The following MYO7B variants were observed in gnomAD, a reference collection of about 807,000 sequenced individuals.
MYO7B encodes the protein unconventional myosin-VIIb.
Under a neutral mutation model 259.7 loss-of-function variants are expected in MYO7B, and 212 were observed. The observed-to-expected ratio is 0.82, with a 90% CI of 0.73 to 0.91. The LOEUF (loss-of-function observed/expected upper bound fraction) is 0.91. Among genes scored for constraint, MYO7B ranks in the 40% least tolerant of loss-of-function variants. The pLI, the probability that MYO7B is intolerant of heterozygous loss-of-function variation, is 0.00. For missense variants in MYO7B, 2,732 were observed against 2,813.5 expected (o/e 0.97, Z 0.66); for synonymous variants, 1,197 against 1,166.4 (o/e 1.03, Z -0.54).
rs112257559 is a variant in MYO7B at position 127,635,232 on chromosome 2, G to C, written c.5820+6G>C. On this transcript the variant is annotated splice_donor_region_variant and intron_variant, in intron 43 of 47. Transcript: ENST00000409816. ...CCATACTCCATTACCACCAGGTACCGGGCAGGCTGCCCTGGTGGGCACTGG... is the reference window on the plus strand; with the variant it reads ...CCATACTCCATTACCACCAGGTACCCGGCAGGCTGCCCTGGTGGGCACTGG... 8.7e-6 allele frequency: 14 copies of C among 1,610,314 alleles called. No individual in the cohort carries two copies. In the African/African-American group the frequency reaches 1.6e-4, roughly 18 times the overall value.
intron 19 of MYO7B, among the ~76,000 whole-genome samples, chr2:127,601,103 T>A (rs1219836047): frequency 6.6e-6 from 1 of 152,254 alleles, no homozygotes; most frequent in Non-Finnish European, 1.5e-5. Flanking sequence ...GTATGTTGTT[T>A]GGTTTTCAAG....
chr2:127,632,564 G>C (rs896569563), intron 39 of MYO7B, among the ~76,000 whole-genome samples, 163 bp downstream of exon 39: 1 of 152,228 alleles, frequency 6.6e-6, no homozygotes, highest in African/African-American at 2.4e-5. Flanking sequence ...CCAGAGAAGA[G>C]GGTGGAGGGT....
At chr2:127,542,167 C>T (rs916577825) in intron 1 of MYO7B, among the ~76,000 whole-genome samples, 44 of 152,228 alleles carry the variant, frequency 2.9e-4, no homozygotes, top group Non-Finnish European at 1.2e-4. Context: ...GGAAGGGTAT[C>T]TCTTGGACAT....
chr2:127,573,170 G>A (rs1221071760), intron 6 of MYO7B, among the ~76,000 whole-genome samples: 1 of 152,076 alleles, frequency 6.6e-6, no homozygotes, highest in Non-Finnish European at 1.5e-5. Flanking sequence ...CTGGATGCTG[G>A]TATTCTGAAA....
intron 3 of MYO7B, 36 bp from the exon 4 acceptor site, chr2:127,565,197 G>A: frequency 1.9e-6 from 3 of 1,594,620 alleles, no homozygotes; most frequent in East Asian, 2.3e-5. Flanking sequence ...GGGGATGGAG[G>A]CCACCCCTCA....
At chr2:127,617,855 G>GTTTTTTTTTT (rs34544960) in intron 26 of MYO7B, among the ~76,000 whole-genome samples, 1 of 139,942 alleles carries the variant, frequency 7.1e-6, no homozygotes. Context: ...CTGGGCTTTA[G>GTTTTTTTTTT]TTTTTTTTTT....
rs141930114 is a variant in MYO7B at position 127,606,648 on chromosome 2, G to A, written c.2425-558G>A. On this transcript the variant is annotated intron_variant, in intron 20 of 47. Transcript: ENST00000409816. ...CCCCAGAGTTGGGGTTTAGATGAGG[G>A]GCTGTGACTTCCAAGCTCTTAAGCC... Among the ~76,000 whole-genome samples the A allele has an allele frequency of 2.8e-3, 424 of 152,330 alleles. 3 individuals carry two copies. The highest frequency in any genetic ancestry group is 9.6e-3 in the African/African-American group (401 of 41,568).
At chr2:127,537,832 G>A (rs964636181) in intron 1 of MYO7B, among the ~76,000 whole-genome samples, 1 of 152,206 alleles carries the variant, frequency 6.6e-6, no homozygotes, top group Admixed American at 6.5e-5. Context: ...ACATGCCCAG[G>A]CCTCAGCAGA....
chr2:127,560,846 G>A (rs1218957242), intron 2 of MYO7B, among the ~76,000 whole-genome samples: 1 of 152,226 alleles, frequency 6.6e-6, no homozygotes, highest in African/African-American at 2.4e-5. Context: ...GGAGCACACT[G>A]CTGCGAGGAG....
At chr2:127,561,114 A>G (rs1485338888) in intron 2 of MYO7B, among the ~76,000 whole-genome samples, 1 of 152,168 alleles carries the variant, frequency 6.6e-6, no homozygotes, top group Non-Finnish European at 1.5e-5. Flanking sequence ...TCACAAAGGA[A>G]TATGCCACGG....
chr2:127,617,487 G>GTTTTTTTTTTTTTTTT (rs35542480), intron 26 of MYO7B, among the ~76,000 whole-genome samples: 1 of 84,824 alleles, frequency 1.2e-5, no homozygotes, highest in Non-Finnish European at 2.2e-5. Context: ...TTGTAACGGG[G>GTTTTTTTTTTTTTTTT]TTTTTTTTTT....
rs1367545265 is a variant in MYO7B, at chr2:127,580,814, T to C, written c.1072T>C (p.Leu358=). 6.2e-7 allele frequency: 1 copy of C among 1,612,874 alleles called. No individual in the cohort carries two copies. Among genetic ancestry groups the C allele is most frequent in the Non-Finnish European group, 8.5e-7 (1 of 1,179,546 alleles). The change falls in exon 10 of 48, where the codon TTA becomes CTA. Residue 358 remains leucine (L), a synonymous_variant. Transcript: ENST00000409816. The stretch of plus-strand genomic sequence containing the variant: ...GCCCGCCTTTCCCACCGTGATGAAG[T>C]TACTGGAGGTAGGGGTGCTGTGCCC... The part of the protein sequence containing the change: ...ETPAFPTVMK[L]LEVQHQELRD...
intron 2 of MYO7B, among the ~76,000 whole-genome samples, chr2:127,560,558 C>T (rs1463222430): frequency 6.6e-6 from 1 of 152,142 alleles, no homozygotes; most frequent in East Asian, 1.9e-4. Flanking sequence ...ATCAACAGAC[C>T]CTGGGGAACT....
intron 28 of MYO7B, among the ~76,000 whole-genome samples, chr2:127,622,443 G>T (rs192162280): frequency 6.6e-6 from 1 of 152,214 alleles, no homozygotes; most frequent in Non-Finnish European, 1.5e-5. Flanking sequence ...TCACACCATG[G>T]TTGGCATCCT....
chr2:127,589,122 A>AATGGATAGATGGATGGGTGGGTGGGTGG (rs1679437012), intron 15 of MYO7B, among the ~76,000 whole-genome samples: 1 of 93,946 alleles, frequency 1.1e-5, no homozygotes, highest in East Asian at 3.9e-4. Flanking sequence ...TGAGTGGGTG[A>AATGGATAGATGGATGGGTGGGTGGGTGG]ATGGATAGAT....
intron 35 of MYO7B, 136 bp downstream of exon 35, chr2:127,629,962 C>A (rs956551068): frequency 3.3e-6 from 3 of 908,628 alleles, no homozygotes; most frequent in South Asian, 2.9e-5. Flanking sequence ...CCCGGGCAGC[C>A]CCCACCATTC....
intron 20 of MYO7B, 64 bp downstream of exon 20, chr2:127,605,992 G>A (rs2105020180): frequency 2.2e-6 from 3 of 1,360,904 alleles, no homozygotes; most frequent in East Asian, 4.7e-5. Context: ...GTAAAAGACA[G>A]ATTTGTAAAG....
rs1275184429 is a variant in MYO7B, at chr2:127,607,353, G to A, written c.2572G>A (p.Ala858Thr). 4 of 1,551,492 alleles carry A rather than the reference G, an allele frequency of 2.6e-6. No homozygotes were observed. The highest frequency in any genetic ancestry group is 3.5e-6 in the Non-Finnish European group (4 of 1,146,862). The change falls in exon 21 of 48, where the codon GCA (alanine) becomes ACA (threonine). Residue 858 changes from alanine (A) to threonine (T), a missense_variant. By Grantham distance (58) the Ala-to-Thr change is moderately conservative (BLOSUM62 0). This residue lies in a region of MYO7B where 1,906 missense variants were observed against 2,026.4 expected (regional missense o/e 0.94). Transcript: ENST00000409816. The surrounding 1 kb of genome is among the most constrained non-coding windows in gnomAD (Gnocchi z 4.4). ...CCAGCAAGTCCAGGCCAAGAGGAGG[G>A]CAGTGGTGGTCATTCAGGCCCATGC... The part of the protein sequence containing the change: ...VRQQVQAKRR[A>T]VVVIQAHARG...
rs992386278 is a variant in MYO7B at position 127,637,364 on chromosome 2, A to C, written c.6376A>C (p.Ser2126Arg). Residue 2126 changes from serine (S) to arginine (R), a missense_variant, in exon 48 of 48, where the codon AGT becomes CGT. Ser to Arg is a moderately radical substitution (Grantham distance 110, BLOSUM62 -1). Around this residue, in one of 3 missense-constraint regions of MYO7B, gnomAD observed 821 missense variants for 769.3 expected, o/e 1.07. Transcript: ENST00000409816. The part of the protein sequence containing the change: ...LLTSYVQQLL[S>R]AMNKQRGSKA... ...GACCTCATATGTGCAGCAGCTCCTG[A>C]GTGCCATGAACAAGCAGCGGGGCTC... 7 of 1,592,178 alleles carry C rather than the reference A, an allele frequency of 4.4e-6. No individual in the cohort carries two copies. The highest frequency in any genetic ancestry group is 5.1e-6 in the Non-Finnish European group (6 of 1,169,728).
Sources: gnomAD v4.1 joint callset for allele counts (sites outside exome capture counted in the v4.1 genomes callset) on GRCh38, gnomAD v4.1.1 for gene constraint, gnomAD v4.1.1 regional missense constraint, Gnocchi (gnomAD v3.1) non-coding constraint, MANE v1.5 for transcripts, NCBI Gene and HGNC (gene_info 2026-07-23, HGNC 2026-07-21) for gene names.